Variants in CDH2 observed in about 807,000 individuals in gnomAD.
CDH2 encodes cadherin 2.
In CDH2, 17 loss-of-function variants were observed where a neutral mutation model predicts 92.0. The ratio of observed to expected loss-of-function variants is 0.18; its 90% CI spans 0.13 to 0.28. CDH2 has a LOEUF of 0.28. Ranked by LOEUF, CDH2 falls within the 10% of genes least tolerant of loss-of-function variation. The probability of loss-of-function intolerance (pLI) is 1.00; values close to 1 mark genes in which losing one functional copy is unlikely to be tolerated. For missense variants in CDH2, 862 were observed against 1,133.1 expected (o/e 0.76, Z 3.44); for synonymous variants, 419 against 415.9 (o/e 1.01, Z -0.09).
At chr18:28,049,478 G>A (rs762494260) in intron 2 of CDH2, among the ~76,000 whole-genome samples, 4 of 152,114 alleles carry the variant, frequency 2.6e-5, no homozygotes, top group East Asian at 3.9e-4. Context: ...AATTTAGACC[G>A]AATAAAGCAG....
chr18:28,129,270 G>A (rs905644439), intron 2 of CDH2, among the ~76,000 whole-genome samples: 2 of 151,968 alleles, frequency 1.3e-5, no homozygotes, highest in Admixed American at 6.6e-5. Flanking sequence ...CATCATTCTG[G>A]TATTTTTAAA....
At chr18:28,125,163 G>A (rs916417439) in intron 2 of CDH2, among the ~76,000 whole-genome samples, 19 of 152,126 alleles carry the variant, frequency 1.2e-4, no homozygotes, top group African/African-American at 4.6e-4. Flanking sequence ...ATGACAGATG[G>A]TCCTCAACTT....
intron 2 of CDH2, among the ~76,000 whole-genome samples, chr18:28,062,519 C>T (rs1296438691): frequency 6.6e-6 from 1 of 152,096 alleles, no homozygotes; most frequent in African/African-American, 2.4e-5. Context: ...TTTATAACAG[C>T]CCTTATTCTG....
intron 5 of CDH2, among the ~76,000 whole-genome samples, chr18:28,007,163 AAAATATATATATATATATATATAT>A (rs1174533674): frequency 2.6e-5 from 3 of 115,942 alleles, no homozygotes; most frequent in Admixed American, 8.1e-5. Flanking sequence ...CCATAAAAAA[AAAATATATATATATATATATATAT>A]ATATATACGA....
At chr18:28,020,661 G>C (rs567618731) in intron 2 of CDH2, among the ~76,000 whole-genome samples, 1 of 152,058 alleles carries the variant, frequency 6.6e-6, no homozygotes, top group East Asian at 1.9e-4. Context: ...CTTTCAAGAA[G>C]AGATGATGAC....
chr18:28,091,006 C>T (rs2015026905), intron 2 of CDH2, among the ~76,000 whole-genome samples: 1 of 152,130 alleles, frequency 6.6e-6, no homozygotes, highest in Non-Finnish European at 1.5e-5. Flanking sequence ...ATATGCTAGT[C>T]CTCCGGGCAG....
chr18:28,114,862 A>C (rs986217601), intron 2 of CDH2, among the ~76,000 whole-genome samples: 1 of 152,030 alleles, frequency 6.6e-6, no homozygotes, highest in African/African-American at 2.4e-5. Context: ...ATTCTTCTCC[A>C]TCTAAATTGT....
At chr18:28,174,611 A>T (rs138194705) in intron 1 of CDH2, among the ~76,000 whole-genome samples, 10 of 152,378 alleles carry the variant, frequency 6.6e-5, no homozygotes, top group African/African-American at 2.4e-4. Context: ...ATGGAAAAGC[A>T]CATTATTTAA....
At chr18:28,108,347 T>A (rs979365482) in intron 2 of CDH2, among the ~76,000 whole-genome samples, 1 of 152,214 alleles carries the variant, frequency 6.6e-6, no homozygotes, top group Non-Finnish European at 1.5e-5. Context: ...TAACTCTTTC[T>A]GGTCACTGGA....
intron 2 of CDH2, among the ~76,000 whole-genome samples, chr18:28,090,230 T>G (rs2015011528): frequency 6.6e-6 from 1 of 152,230 alleles, no homozygotes; most frequent in South Asian, 2.1e-4. Flanking sequence ...GCCTATAAAC[T>G]ACTTTGAATT....
At chr18:28,113,823 G>A (rs562963713) in intron 2 of CDH2, among the ~76,000 whole-genome samples, 1 of 152,136 alleles carries the variant, frequency 6.6e-6, no homozygotes, top group African/African-American at 2.4e-5. Flanking sequence ...CTCCATAAAA[G>A]GCTGAGTAAT....
At chr18:28,131,415 TTTAA>T (rs1248481185) in intron 2 of CDH2, among the ~76,000 whole-genome samples, 4 of 152,242 alleles carry the variant, frequency 2.6e-5, no homozygotes, top group African/African-American at 9.6e-5. Flanking sequence ...CATCATGGGT[TTTAA>T]TTGACACCAC....
intron 2 of CDH2, among the ~76,000 whole-genome samples, chr18:28,097,604 AGT>A: frequency 6.6e-6 from 1 of 152,330 alleles, no homozygotes; most frequent in African/African-American, 2.4e-5. Flanking sequence ...GTATTTACAT[AGT>A]GTGTATTATA....
At chr18:28,174,411 A>C (rs1417436974) in intron 1 of CDH2, among the ~76,000 whole-genome samples, 6 of 152,166 alleles carry the variant, frequency 3.9e-5, no homozygotes, top group Non-Finnish European at 2.9e-5. Flanking sequence ...CTTAACCCTA[A>C]AACTCATGTT....
rs752473363 is a variant in CDH2, at chr18:27,988,569, C to T, written c.1696G>A (p.Val566Met). ...GTAGCATTATATATATTGTTTTTCA[C>T]ATTTGGTGATTCTCGGTCCAAAACA... is the stretch of plus-strand genomic sequence containing the variant. ...IAVLDRESPN[V>M]KNNIYNATFL... Residue 566 changes from valine (V) to methionine (M), a missense_variant, in exon 11 of 16, where the codon GTG (valine) becomes ATG (methionine). Physicochemically the swap from Val to Met is conservative, Grantham distance 21 (BLOSUM62 1). Coordinates refer to ENST00000269141, the MANE Select transcript of CDH2 (RefSeq NM_001792.5). 1.5e-5 allele frequency: 25 copies of T among 1,613,092 alleles called. 1 individual carries two copies. In the Middle Eastern group the frequency reaches 9.9e-4, roughly 64 times the overall value.
chr18:27,984,918 C>T (rs1429705749), intron 13 of CDH2, 82 bp downstream of exon 13: 7 of 1,064,354 alleles, frequency 6.6e-6, no homozygotes, highest in Non-Finnish European at 9.9e-6. Flanking sequence ...GACTACTTTG[C>T]CAGGCAATAG....
intron 1 of CDH2, 150 bp downstream of exon 1, chr18:28,176,813 A>T (rs1329705140): frequency 2.6e-5 from 6 of 231,280 alleles, no homozygotes; most frequent in Non-Finnish European, 4.3e-5. Flanking sequence ...ATGCCTGCGC[A>T]GCTACCGGCC....
At chr18:28,168,540 T>TA (rs914340491) in intron 1 of CDH2, 1 of 225,582 alleles carries the variant, frequency 4.4e-6, no homozygotes, top group Non-Finnish European at 7.4e-6. Context: ...TGAGAGTTTA[T>TA]AGGCTTTCAG....
At chr18:28,152,901 T>G (rs2016147244) in intron 1 of CDH2, among the ~76,000 whole-genome samples, 1 of 151,716 alleles carries the variant, frequency 6.6e-6, no homozygotes, top group South Asian at 2.1e-4. Flanking sequence ...ATAGTTAAGA[T>G]CGATAGGGCC....
Sources: allele counts gnomAD v4.1 joint callset (sites outside exome capture counted in the v4.1 genomes callset), GRCh38; gene constraint gnomAD v4.1.1; transcripts MANE v1.5; gene names NCBI Gene and HGNC (gene_info 2026-07-23, HGNC 2026-07-21).